Variants in TIAM2 observed in about 807,000 individuals in gnomAD.
The protein encoded by TIAM2 is rho guanine nucleotide exchange factor TIAM2.
Under a neutral mutation model 152.9 loss-of-function variants are expected in TIAM2, and 80 were observed. The ratio of observed to expected loss-of-function variants is 0.52; its 90% CI spans 0.44 to 0.63. TIAM2 has a LOEUF of 0.63. Ranked by LOEUF, TIAM2 falls within the 30% of genes least tolerant of loss-of-function variation. The pLI, the probability that TIAM2 is intolerant of heterozygous loss-of-function variation, is 0.00. For synonymous variants in TIAM2, 804 were observed against 838.0 expected (o/e 0.96, Z 0.70); for missense variants, 1,965 against 2,120.1 (o/e 0.93, Z 1.44).
intron 2 of TIAM2, among the ~76,000 whole-genome samples, chr6:155,093,662 G>A (rs868759868): frequency 2.6e-5 from 4 of 152,188 alleles, no homozygotes; most frequent in Non-Finnish European, 4.4e-5. Context: ...AATAGTGAGC[G>A]TCTCAGGGCC....
intron 15 of TIAM2, among the ~76,000 whole-genome samples, chr6:155,233,936 C>A (rs1782598720): frequency 6.7e-6 from 1 of 149,908 alleles, no homozygotes; most frequent in African/African-American, 2.5e-5. Flanking sequence ...GCACTCCAGC[C>A]TGGGTGGCAG....
chr6:155,179,268 A>T, intron 11 of TIAM2, 110 bp from the exon 12 acceptor site: 5 of 1,426,304 alleles, frequency 3.5e-6, no homozygotes, highest in Non-Finnish European at 4.9e-6. Context: ...CAGTCTCTAT[A>T]TAAACGGTAT....
chr6:155,146,528 C>T (rs1779822545), intron 6 of TIAM2, among the ~76,000 whole-genome samples: 1 of 152,004 alleles, frequency 6.6e-6, no homozygotes, highest in African/African-American at 2.4e-5. Context: ...AGAATCATAC[C>T]CATTTGCCCA....
intron 14 of TIAM2, among the ~76,000 whole-genome samples, chr6:155,188,165 C>T (rs2115158992): frequency 6.6e-6 from 1 of 152,270 alleles, no homozygotes; most frequent in South Asian, 2.1e-4. Context: ...CCCAAACCTC[C>T]ACCATTGTCT....
Position 155,179,087 on chromosome 6 carries a change from G to T in TIAM2, c.2572G>T (p.Val858Leu). Residue 858 changes from valine (V) to leucine (L), a missense_variant, in exon 11 of 27, where the codon GTA (valine) becomes TTA (leucine). Val to Leu is a conservative substitution (Grantham distance 32, BLOSUM62 1). Coordinates refer to ENST00000682666, the MANE Select transcript of TIAM2 (RefSeq NM_012454.4). ...TTATGGCCTACAGCTTCGAAAATTA[G>T]TAGATGACAATGTTGAGTATTGCAT... ...SHYGLQLRKL[V>L]DDNVEYCIPA... 2 of 1,614,102 alleles carry T rather than the reference G, an allele frequency of 1.2e-6. No individual in the cohort carries two copies. The highest frequency in any genetic ancestry group is 1.7e-6 in the Non-Finnish European group (2 of 1,180,008).
rs966035714 is a variant in TIAM2 at position 155,242,732 on chromosome 6, A to AATT, written c.3349-1263_3349-1261dup. On this transcript the variant is annotated intron_variant, in intron 16 of 26. Coordinates refer to ENST00000682666, the MANE Select transcript of TIAM2 (RefSeq NM_012454.4). ...GAACTATATCCTGGTCTTGCCTTCA[A>AATT]ATTATTATTATTATTATTTTGGAGA... Among the ~76,000 whole-genome samples the AATT allele has an allele frequency of 1.7e-4, 26 of 151,944 alleles. No homozygotes were observed. The South Asian group carries it at 4.0e-3, about 23-fold the overall frequency.
chr6:155,002,864 T>G (rs956556444), intron 1 of TIAM2, among the ~76,000 whole-genome samples: 3 of 79,112 alleles, frequency 3.8e-5, no homozygotes, highest in African/African-American at 1.4e-4. Flanking sequence ...TGTGTGTGTG[T>G]TTTTTTTTTA....
chr6:155,112,921 C>T (rs746838539), intron 2 of TIAM2, among the ~76,000 whole-genome samples: 17 of 142,876 alleles, frequency 1.2e-4, no homozygotes, highest in East Asian at 9.6e-4. Flanking sequence ...CAAGCTGGGG[C>T]GCATTGCCTC....
intron 26 of TIAM2, 36 bp downstream of exon 26, chr6:155,254,609 A>G: frequency 6.2e-7 from 1 of 1,600,938 alleles, no homozygotes; most frequent in South Asian, 1.1e-5. Flanking sequence ...TATTCAACAA[A>G]ATATTATGAG....
intron 2 of TIAM2, among the ~76,000 whole-genome samples, chr6:155,110,178 C>T (rs1033297584): frequency 1.3e-5 from 2 of 151,880 alleles, no homozygotes; most frequent in Non-Finnish European, 1.5e-5. Flanking sequence ...GTCTTGAACT[C>T]CTGATCTCAA....
At chr6:155,003,016 A>G (rs2475867) in intron 1 of TIAM2, among the ~76,000 whole-genome samples, 149,932 of 152,240 alleles carry the variant, frequency 0.98, 73,843 homozygotes, top group East Asian at 1. Context: ...TTTTTGTACC[A>G]CTTTTATATC....
intron 1 of TIAM2, among the ~76,000 whole-genome samples, chr6:155,064,641 G>A (rs1375752020): frequency 6.6e-6 from 1 of 152,208 alleles, no homozygotes; most frequent in African/African-American, 2.4e-5. Context: ...CAGGTGGAGG[G>A]TTGACAAGGT....
At chr6:155,211,932 A>G (rs1015935027) in intron 15 of TIAM2, among the ~76,000 whole-genome samples, 2 of 151,972 alleles carry the variant, frequency 1.3e-5, no homozygotes, top group African/African-American at 2.4e-5. Context: ...TCATTTGCCA[A>G]TTTCTAGGTG....
At position 155,029,443 on chromosome 6, in the gene TIAM2, C is replaced by CTGTATTATA. The variant is rs1776754118; in HGVS notation, c.-209+33952_-209+33953insGTATTATAT. ...TATATATACTATAGTATATATTATA[C>CTGTATTATA]TATAGTATATATTATATATAATATA... On this transcript the variant is annotated intron_variant, in intron 1 of 26. Coordinates refer to ENST00000682666, the MANE Select transcript of TIAM2 (RefSeq NM_012454.4). Among the ~76,000 whole-genome samples the CTGTATTATA allele has an allele frequency of 3.5e-3, 23 of 6,660 alleles. 2 individuals carry two copies. The highest frequency in any genetic ancestry group is 9.1e-3 in the African/African-American group (23 of 2,528). The allele number at this position is 6,660 out of a possible 152,430, so 4.4% of individuals were successfully genotyped here.
rs1461578009 is a variant in TIAM2 at position 155,186,151 on chromosome 6, G to A, written c.3064+2651G>A. On this transcript the variant is annotated intron_variant, in intron 14 of 26. Transcript: ENST00000682666. The surrounding 1 kb of genome is among the most constrained non-coding windows in gnomAD (Gnocchi z 4.5). ...AACATCTGAATGACAAGAGAAGCCT[G>A]TGTTTGTGGAAACTCTGAGAGATGG... Among the ~76,000 whole-genome samples, 5 of 152,216 alleles carry A rather than the reference G, an allele frequency of 3.3e-5. No individual in the cohort carries two copies. The highest frequency in any genetic ancestry group is 7.3e-5 in the Non-Finnish European group (5 of 68,046).
In TIAM2 at chr6:155,070,209, C is replaced by CTTTTTTTTT. The variant is rs559307371; in HGVS notation, c.-208-20059_-208-20051dup. Among the ~76,000 whole-genome samples, 65 of 44,146 alleles carry CTTTTTTTTT rather than the reference C, an allele frequency of 1.5e-3. 7 individuals are homozygous for CTTTTTTTTT. The highest frequency in any genetic ancestry group is 7.1e-3 in the African/African-American group (59 of 8,322). The allele number at this position is 44,146 out of a possible 152,430, so 29.0% of individuals were successfully genotyped here. Reference sequence around the variant, plus strand: ...GTATGAGCCACCGCGCCTGGCCAGACTTTTTTTTTTTTTTTTTTTTTTTTT... The same window carrying CTTTTTTTTT: ...GTATGAGCCACCGCGCCTGGCCAGACTTTTTTTTTTTTTTTTTTTTTTTTTTTTTTTTTT... On this transcript the variant is annotated intron_variant, in intron 1 of 26. Transcript: ENST00000682666.
chr6:155,101,939 TGATC>T, intron 2 of TIAM2, among the ~76,000 whole-genome samples: 1 of 152,088 alleles, frequency 6.6e-6, no homozygotes. Context: ...CCTGACCTCA[TGATC>T]TGCCTGCCTT....
intron 1 of TIAM2, among the ~76,000 whole-genome samples, chr6:155,037,676 C>A (rs529585366): frequency 6.6e-6 from 1 of 152,056 alleles, no homozygotes; most frequent in African/African-American, 2.4e-5. Flanking sequence ...TTAACAGGCA[C>A]GCACCACCAC....
intron 2 of TIAM2, among the ~76,000 whole-genome samples, chr6:155,123,409 C>T (rs996383328): frequency 1.3e-5 from 2 of 152,166 alleles, no homozygotes; most frequent in African/African-American, 4.8e-5. Context: ...AACTGTGTAG[C>T]ACATGAATTG....
Sources: gnomAD v4.1 joint callset for allele counts (sites outside exome capture counted in the v4.1 genomes callset) on GRCh38, gnomAD v4.1.1 for gene constraint, Gnocchi (gnomAD v3.1) non-coding constraint, MANE v1.5 for transcripts, NCBI Gene and HGNC (gene_info 2026-07-23, HGNC 2026-07-21) for gene names.